Variants in UTRN observed in about 807,000 individuals in gnomAD.
UTRN encodes the protein dystrophin-related protein 1.
Under a neutral mutation model 463.9 loss-of-function variants are expected in UTRN, and 283 were observed. That is an observed-to-expected ratio of 0.61 (90% CI 0.55 to 0.67). The LOEUF (loss-of-function observed/expected upper bound fraction) is 0.67, where lower values mean the gene tolerates loss of function less well. UTRN is among the 30% of genes least tolerant of loss of function. The pLI, the probability that UTRN is intolerant of heterozygous loss-of-function variation, is 0.00. For synonymous variants in UTRN, 1,442 were observed against 1,431.5 expected (o/e 1.01, Z -0.17); for missense variants, 3,922 against 4,084.3 (o/e 0.96, Z 1.08).
intron 3 of UTRN, among the ~76,000 whole-genome samples, chr6:144,406,618 C>T (rs577800768): frequency 1.1e-4 from 16 of 152,252 alleles, no homozygotes; most frequent in East Asian, 5.8e-4. Context: ...CCGCCTGCCT[C>T]GACCTCCCAA....
intron 51 of UTRN, among the ~76,000 whole-genome samples, chr6:144,586,285 C>A (rs1422709769): frequency 2.0e-5 from 3 of 152,034 alleles, no homozygotes; most frequent in African/African-American, 4.8e-5. Flanking sequence ...TTTACACATT[C>A]ACGTGTATTT....
At chr6:144,781,388 T>G (rs1775815851) in intron 60 of UTRN, among the ~76,000 whole-genome samples, 1 of 152,228 alleles carries the variant, frequency 6.6e-6, no homozygotes, top group South Asian at 2.1e-4. Flanking sequence ...CTGTTATTTT[T>G]CTATAAAACC....
chr6:144,505,167 T>G (rs1794589927), intron 34 of UTRN, among the ~76,000 whole-genome samples: 1 of 152,178 alleles, frequency 6.6e-6, no homozygotes, highest in African/African-American at 2.4e-5. Flanking sequence ...TCTTTATTAG[T>G]CTGGCTAGTG....
chr6:144,375,419 A>C (rs965009439), intron 2 of UTRN, among the ~76,000 whole-genome samples: 4 of 152,226 alleles, frequency 2.6e-5, no homozygotes, highest in Admixed American at 6.5e-5. Context: ...TCTAGCACAG[A>C]TCTAAAAGTG....
chr6:144,735,094 G>C (rs151038824), intron 54 of UTRN, among the ~76,000 whole-genome samples: 1 of 152,180 alleles, frequency 6.6e-6, no homozygotes, highest in Non-Finnish European at 1.5e-5. Flanking sequence ...GAAGTATAAC[G>C]CATGTTCCTG....
chr6:144,360,345 A>C (rs1369917341), intron 2 of UTRN, among the ~76,000 whole-genome samples: 1 of 151,550 alleles, frequency 6.6e-6, no homozygotes, highest in Non-Finnish European at 1.5e-5. Flanking sequence ...GCGAATTTTT[A>C]TATTTTTAGT....
intron 2 of UTRN, among the ~76,000 whole-genome samples, chr6:144,401,093 C>T (rs1050989928): frequency 6.6e-6 from 1 of 152,136 alleles, no homozygotes; most frequent in Non-Finnish European, 1.5e-5. Context: ...AGTAAGATTT[C>T]TCTCTTAGAA....
At position 144,473,807 on chromosome 6, in the gene UTRN, C is replaced by T. The variant is rs749694071; in HGVS notation, c.3154C>T (p.Leu1052=). ...GGCTGCCCAAGGAGACGACGCAGGTCTACAGAGGCAGTTAGACCAGTGCTC... is the reference window on the plus strand; with the variant it reads ...GGCTGCCCAAGGAGACGACGCAGGTTTACAGAGGCAGTTAGACCAGTGCTC... ...QQAAQGDDAG[L]QRQLDQCSAF... Residue 1052 remains leucine, a synonymous_variant, in exon 24 of 75, where the codon CTA becomes TTA. Coordinates refer to ENST00000367545, the MANE Select transcript of UTRN (RefSeq NM_007124.3). The T allele has an allele frequency of 1.2e-6, 2 of 1,614,018 alleles. No homozygotes were observed. Among genetic ancestry groups the T allele is most frequent in the Admixed American group, 3.3e-5 (2 of 60,022 alleles).
At chr6:144,665,880 C>T (rs1283475510) in intron 51 of UTRN, among the ~76,000 whole-genome samples, 2 of 152,178 alleles carry the variant, frequency 1.3e-5, no homozygotes, top group Non-Finnish European at 2.9e-5. Flanking sequence ...TAGGACATTG[C>T]TTCTGCCCTG....
intron 52 of UTRN, among the ~76,000 whole-genome samples, chr6:144,689,741 A>T (rs945591647): frequency 6.6e-6 from 1 of 152,170 alleles, no homozygotes; most frequent in African/African-American, 2.4e-5. Flanking sequence ...TTGGTTATAA[A>T]TAGCCTTAGT....
chr6:144,792,468 A>T (rs1275715798), intron 62 of UTRN, among the ~76,000 whole-genome samples: 1 of 151,584 alleles, frequency 6.6e-6, no homozygotes, highest in Admixed American at 6.6e-5. Context: ...AATTGCTTGA[A>T]CCCGGTAGGT....
At chr6:144,402,782 T>C (rs1783038833) in intron 2 of UTRN, among the ~76,000 whole-genome samples, 1 of 152,208 alleles carries the variant, frequency 6.6e-6, no homozygotes, top group African/African-American at 2.4e-5. Context: ...TTGCACAAAA[T>C]GTAGCAGAAA....
rs545560963 is a variant in UTRN at position 144,301,899 on chromosome 6, GC to G, written c.79+9993del. Among the ~76,000 whole-genome samples the G allele has an allele frequency of 7.9e-5, 12 of 151,854 alleles. No homozygotes were observed. The South Asian group carries it at 2.5e-3, about 32-fold the overall frequency. ...CGCCCCAAAAACCACCATGAAGGAG[GC>G]AGAGGGCACCAGGTGAAGACTGCCC... On this transcript the variant is annotated intron_variant, in intron 2 of 74. Coordinates refer to ENST00000367545, the MANE Select transcript of UTRN (RefSeq NM_007124.3).
At chr6:144,705,800 A>G (rs1785034808) in intron 53 of UTRN, among the ~76,000 whole-genome samples, 2 of 152,102 alleles carry the variant, frequency 1.3e-5, no homozygotes, top group East Asian at 3.8e-4. Context: ...AATTTTATTT[A>G]ATTATGTATA....
At chr6:144,786,520 G>A (rs905367245) in intron 61 of UTRN, among the ~76,000 whole-genome samples, 1 of 152,022 alleles carries the variant, frequency 6.6e-6, no homozygotes, top group Non-Finnish European at 1.5e-5. Context: ...TCCTGACCTC[G>A]TGATCCACCT....
intron 25 of UTRN, 108 bp from the exon 26 acceptor site, chr6:144,479,704 C>T: frequency 1.6e-6 from 2 of 1,267,374 alleles, no homozygotes. Flanking sequence ...TTAAAGCATG[C>T]AATTCGTTGT....
intron 2 of UTRN, among the ~76,000 whole-genome samples, chr6:144,378,121 C>T (rs1035515730): frequency 6.6e-6 from 1 of 152,086 alleles, no homozygotes; most frequent in Non-Finnish European, 1.5e-5. Context: ...GATCCTTAAA[C>T]ATGTGGAAAA....
At chr6:144,489,417 G>A (rs1792814105) in intron 30 of UTRN, among the ~76,000 whole-genome samples, 1 of 152,112 alleles carries the variant, frequency 6.6e-6, no homozygotes, top group African/African-American at 2.4e-5. Context: ...CCAAAATGCT[G>A]GGATTACAGG....
intron 52 of UTRN, among the ~76,000 whole-genome samples, chr6:144,689,311 A>T (rs1215001524): frequency 6.6e-6 from 1 of 151,880 alleles, no homozygotes; most frequent in East Asian, 1.9e-4. Flanking sequence ...CTCCTCCAAG[A>T]CCCTTCAGGA....
Sources: allele counts gnomAD v4.1 joint callset (sites outside exome capture counted in the v4.1 genomes callset), GRCh38; gene constraint gnomAD v4.1.1; transcripts MANE v1.5; gene names NCBI Gene and HGNC (gene_info 2026-07-23, HGNC 2026-07-21).